PROSER2: variants seen among roughly 807,000 people sequenced by gnomAD.
PROSER2 encodes proline and serine rich 2.
Under a neutral mutation model 14.6 loss-of-function variants are expected in PROSER2, and 18 were observed. The ratio of observed to expected loss-of-function variants is 1.23; its 90% confidence interval spans 0.85 to 1.83. The LOEUF is 1.83. PROSER2 is among the 40% of genes most tolerant of loss of function. The pLI, the probability that PROSER2 is intolerant of heterozygous loss-of-function variation, is 0.00. For missense variants in PROSER2, 823 were observed against 629.8 expected (o/e 1.31, Z -3.28); for synonymous variants, 367 against 286.4 (o/e 1.28, Z -2.84).
Position 11,856,250 on chromosome 10 carries a change from T to C in PROSER2, c.138+4035T>C, listed in dbSNP as rs2131077062. Among the ~76,000 whole-genome samples the C allele has an allele frequency of 6.6e-6, 1 of 152,218 alleles. No homozygotes were observed. The highest frequency in any genetic ancestry group is 6.5e-5 in the Admixed American group (1 of 15,290). ...GGCTGCTGCAGGCGGCTCTGGGTGT[T>C]TGGTTACCACCGTCACCCTCTAAGG... On this transcript the variant is annotated intron_variant, in intron 2 of 3. Transcript: ENST00000277570. The surrounding 1 kb of genome is among the most constrained non-coding windows in gnomAD (Gnocchi z 5.3).
intron 2 of PROSER2, among the ~76,000 whole-genome samples, chr10:11,863,543 C>CA (rs796501996): frequency 0.11 from 14,225 of 125,572 alleles, 787 homozygotes; most frequent in Non-Finnish European, 0.15. Context: ...ATCCCCCCCA[C>CA]AAAAAAAAAA....
chr10:11,833,719 A>G (rs968182831), intron 1 of PROSER2, among the ~76,000 whole-genome samples: 11 of 152,140 alleles, frequency 7.2e-5, no homozygotes, highest in Non-Finnish European at 1.3e-4. Flanking sequence ...CTTTGCCTAC[A>G]AGGAGTTTAT....
At chr10:11,833,185 A>C (rs1266354718) in intron 1 of PROSER2, among the ~76,000 whole-genome samples, 1 of 149,200 alleles carries the variant, frequency 6.7e-6, no homozygotes, top group Non-Finnish European at 1.5e-5. Context: ...TAAGTAACAA[A>C]TAGTGATTAA....
chr10:11,870,091 AG>A lies in PROSER2; in HGVS notation c.998del (p.Gly333ValfsTer20), dbSNP rs1440341876. The A allele has an allele frequency of 2.3e-6, 3 of 1,291,684 alleles. No individual in the cohort carries two copies. The highest frequency in any genetic ancestry group is 2.9e-6 in the Non-Finnish European group (3 of 1,020,354). The allele number at this position is 1,291,684 out of a possible 1,614,324, so 80.0% of individuals were successfully genotyped here. On this transcript the variant is annotated frameshift_variant, in exon 4 of 4. Transcript: ENST00000277570. LOFTEE classifies it low-confidence loss of function (END_TRUNC). ...LPGPAESLRA[G>X]GQAPRGPALA... is the part of the protein sequence containing the mutation. ...CGGGCCCCGCTGAGAGTCTCCGGGC[AG>A]GGGGTCAGGCTCCGCGGGGCCCGGC...
At chr10:11,860,104 C>A (rs1834205941) in intron 2 of PROSER2, among the ~76,000 whole-genome samples, 2 of 152,196 alleles carry the variant, frequency 1.3e-5, no homozygotes, top group African/African-American at 4.8e-5. Context: ...GTGGCTTCGT[C>A]CCCCAGGATT....
intron 1 of PROSER2, 128 bp from the exon 2 acceptor site, chr10:11,851,869 T>C (rs12245481): frequency 0.09 from 37,541 of 416,172 alleles, 2,205 homozygotes; most frequent in African/African-American, 0.2. Flanking sequence ...ACTTAGCGTT[T>C]CCCAATCGCC....
Position 11,866,989 on chromosome 10 carries a change from G to C in PROSER2, c.391+206G>C, listed in dbSNP as rs948607373. On this transcript the variant is annotated intron_variant, in intron 3 of 3. Transcript: ENST00000277570. This position sits in a 1 kb window ranked among gnomAD's most constrained non-coding sequence, Gnocchi z 6.0. ...TAGAATAAAGAATGGAATGGGCCAGGCGCGGTGGCTCAAGCCTGTAATCCC... is the reference window on the plus strand; with the variant it reads ...TAGAATAAAGAATGGAATGGGCCAGCCGCGGTGGCTCAAGCCTGTAATCCC... 3.3e-5 allele frequency among the ~76,000 whole-genome samples: 5 copies of C among 152,188 alleles called. No individual in the cohort carries two copies. Among genetic ancestry groups the C allele is most frequent in the Non-Finnish European group, 7.3e-5 (5 of 68,038 alleles).
chr10:11,851,462 A>G (rs1834015977), intron 1 of PROSER2: 1 of 152,244 alleles, frequency 6.6e-6, no homozygotes, highest in African/African-American at 2.4e-5. Context: ...CCTCCCCTCA[A>G]GTCTGAACTG....
chr10:11,870,581 C>T lies in PROSER2; in HGVS notation c.*175C>T. 3 of 507,054 alleles carry T rather than the reference C, an allele frequency of 5.9e-6. No individual in the cohort carries two copies. Among genetic ancestry groups the T allele is most frequent in the Admixed American group, 8.7e-5 (2 of 23,104 alleles). 31.4% of individuals were successfully genotyped at this position (507,054 alleles called of 1,614,324 possible). A position where few individuals can be genotyped will look rare whatever the true frequency, so the allele number is the denominator to read the frequency against. On this transcript the variant is annotated 3_prime_UTR_variant, in exon 4 of 4. Coordinates refer to ENST00000277570, the MANE Select transcript of PROSER2 (RefSeq NM_153256.4). ...CTGGGGCCTCCTGGCTGAGCACGCA[C>T]CGCAAGCTCCAGCCACCGGCACAGA...
rs1007040076 is a variant in PROSER2 at position 11,861,969 on chromosome 10, A to G, written c.139-4562A>G. Among the ~76,000 whole-genome samples, 14 of 152,368 alleles carry G rather than the reference A, an allele frequency of 9.2e-5. No individual in the cohort carries two copies. The East Asian group carries it at 1.5e-3, about 17-fold the overall frequency. On this transcript the variant is annotated intron_variant, in intron 2 of 3. Coordinates refer to ENST00000277570, the MANE Select transcript of PROSER2 (RefSeq NM_153256.4). ...AGAAATTAAAGAGCCAGATCTGTGCATCTAAACTGTCAGCGCATCAGACTC... is the reference window on the plus strand; with the variant it reads ...AGAAATTAAAGAGCCAGATCTGTGCGTCTAAACTGTCAGCGCATCAGACTC...
At position 11,869,378 on chromosome 10, in the gene PROSER2, C is replaced by T. The variant is rs529706643; in HGVS notation, c.392-112C>T. ...GGAGTTGACTCACAGGCAGCACCGG[C>T]GAAGTTGGTGTCAGGTCCAGGTTGA... On this transcript the variant is annotated intron_variant, in intron 3 of 3. Coordinates refer to ENST00000277570, the MANE Select transcript of PROSER2 (RefSeq NM_153256.4). The surrounding 1 kb of genome is among the most constrained non-coding windows in gnomAD (Gnocchi z 4.4). 128 of 740,304 alleles carry T rather than the reference C, an allele frequency of 1.7e-4. No homozygotes were observed. The highest frequency in any genetic ancestry group is 2.8e-4 in the Non-Finnish European group (118 of 425,990). The allele number at this position is 740,304 out of a possible 1,614,324, so 45.9% of individuals were successfully genotyped here.
rs1047195864 is a variant in PROSER2, at chr10:11,862,707, A to G, written c.139-3824A>G. ...AGACACGGTCTCCAAAAAATCAACA[A>G]AAGGCATATACAAAACATCAATATT... is the stretch of plus-strand genomic sequence containing the variant. On this transcript the variant is annotated intron_variant, in intron 2 of 3. Coordinates refer to ENST00000277570, the MANE Select transcript of PROSER2 (RefSeq NM_153256.4). This position sits in a 1 kb window ranked among gnomAD's most constrained non-coding sequence, Gnocchi z 4.2. 1.3e-5 allele frequency: 2 copies of G among 152,206 alleles called. No individual in the cohort carries two copies. Among genetic ancestry groups the G allele is most frequent in the African/African-American group, 4.8e-5 (2 of 41,452 alleles). The allele number at this position is 152,206 out of a possible 1,614,324, so 9.4% of individuals were successfully genotyped here.
chr10:11,866,473 C>T lies in PROSER2; in HGVS notation c.139-58C>T, dbSNP rs1032929224. On this transcript the variant is annotated intron_variant, in intron 2 of 3. Transcript: ENST00000277570. This position sits in a 1 kb window ranked among gnomAD's most constrained non-coding sequence, Gnocchi z 6.0. ...ATCCCAACTTTGCTTCAGCTTTTGT[C>T]TCTTTAGTGAAGCCAGTGTTTGTTT... 7 of 1,591,016 alleles carry T rather than the reference C, an allele frequency of 4.4e-6. No individual in the cohort carries two copies. The African/African-American group carries it at 9.4e-5, about 21-fold the overall frequency.
chr10:11,846,807 C>T (rs1215027781), intron 1 of PROSER2, among the ~76,000 whole-genome samples: 3 of 152,286 alleles, frequency 2.0e-5, no homozygotes, highest in Middle Eastern at 3.4e-3. Context: ...GGCCAGAGTG[C>T]AGTTGTATAA....
At position 11,869,965 on chromosome 10, in the gene PROSER2, C is replaced by A. The variant is rs1243527965; in HGVS notation, c.867C>A (p.Ile289=). Residue 289 remains isoleucine, a synonymous_variant, in exon 4 of 4, where the codon ATC becomes ATA. Coordinates refer to ENST00000277570, the MANE Select transcript of PROSER2 (RefSeq NM_153256.4). This position sits in a 1 kb window ranked among gnomAD's most constrained non-coding sequence, Gnocchi z 4.4. ...GCAGGGCGCAGGTGTTGGCCACCAT[C>A]CACGGCCACGCCGGCGCCTTCCCCG... The part of the protein sequence containing the change: ...QERRAQVLAT[I]HGHAGAFPAA... 7.2e-7 allele frequency: 1 copy of A among 1,379,420 alleles called. No homozygotes were observed. The highest frequency in any genetic ancestry group is 9.3e-7 in the Non-Finnish European group (1 of 1,070,054). 85.4% of individuals were successfully genotyped at this position (1,379,420 alleles called of 1,614,324 possible).
Position 11,869,511 on chromosome 10 carries a change from A to G in PROSER2, c.413A>G (p.Glu138Gly), listed in dbSNP as rs1171094352. ...CCAGGGCCTGCACCTGCTGGGAAGG[A>G]GCACAGGAAACAAGATGCTGAGACT... ...QAAGPAPAGK[E>G]HRKQDAETPP... The change falls in exon 4 of 4, where the codon GAG (glutamate) becomes GGG (glycine). Residue 138 changes from glutamate (E) to glycine (G), a missense_variant. Physicochemically the swap from Glu to Gly is moderately conservative, Grantham distance 98. Coordinates refer to ENST00000277570, the MANE Select transcript of PROSER2 (RefSeq NM_153256.4). This position sits in a 1 kb window ranked among gnomAD's most constrained non-coding sequence, Gnocchi z 4.4. 1 of 1,613,526 alleles carries G rather than the reference A, an allele frequency of 6.2e-7. No homozygotes were observed. The highest frequency in any genetic ancestry group is 8.5e-7 in the Non-Finnish European group (1 of 1,179,684).
Position 11,824,823 on chromosome 10 carries a change from C to T in PROSER2, c.-82+1353C>T, listed in dbSNP as rs575939611. ...TTCTCCATTACTAGAAATCAGAAAT[C>T]CAAAATTAGAGTGATATAGTGGAGC... On this transcript the variant is annotated intron_variant, in intron 1 of 3. Transcript: ENST00000277570. Among the ~76,000 whole-genome samples, 4 of 152,202 alleles carry T rather than the reference C, an allele frequency of 2.6e-5. No homozygotes were observed. In the East Asian group the frequency reaches 7.7e-4, roughly 29 times the overall value.
intron 1 of PROSER2, among the ~76,000 whole-genome samples, chr10:11,849,247 G>A (rs1318064876): frequency 6.6e-6 from 1 of 152,158 alleles, no homozygotes; most frequent in Non-Finnish European, 1.5e-5. Context: ...TAGGGCCATG[G>A]TGGGCCCTCC....
chr10:11,832,039 T>C (rs987374351), intron 1 of PROSER2, among the ~76,000 whole-genome samples: 5 of 152,224 alleles, frequency 3.3e-5, no homozygotes, highest in Non-Finnish European at 7.3e-5. Context: ...AGTGAAAGCA[T>C]GATCATTCTT....
Sources: allele counts gnomAD v4.1 joint callset (sites outside exome capture counted in the v4.1 genomes callset), GRCh38; gene constraint gnomAD v4.1.1; non-coding constraint Gnocchi (gnomAD v3.1); transcripts MANE v1.5; gene names NCBI Gene and HGNC (gene_info 2026-07-23, HGNC 2026-07-21).